Variants in MAPKAP1 observed in about 807,000 individuals in gnomAD.
MAPKAP1 encodes the protein MAPK associated protein 1.
In MAPKAP1, 20 loss-of-function variants were observed where a neutral mutation model predicts 65.7. The observed-to-expected ratio is 0.30, with a 90% CI of 0.21 to 0.44. The LOEUF (loss-of-function observed/expected upper bound fraction) is 0.44. MAPKAP1 is among the 20% of genes least tolerant of loss of function. The pLI is 1.00. For missense variants in MAPKAP1, 423 were observed against 648.0 expected (o/e 0.65, Z 3.77); for synonymous variants, 222 against 244.3 (o/e 0.91, Z 0.85).
At chr9:125,563,252 A>G (rs1434642753) in intron 5 of MAPKAP1, among the ~76,000 whole-genome samples, 1 of 151,958 alleles carries the variant, frequency 6.6e-6, no homozygotes, top group Non-Finnish European at 1.5e-5. Flanking sequence ...GCCTCAGGAA[A>G]CCCCCCGATA....
chr9:125,571,001 GTCT>G (rs1831212993), intron 5 of MAPKAP1, among the ~76,000 whole-genome samples: 2 of 151,920 alleles, frequency 1.3e-5, no homozygotes, highest in African/African-American at 4.8e-5. Flanking sequence ...CAGTAAATAT[GTCT>G]AAAAGATTTT....
chr9:125,489,410 T>C (rs561689825), intron 8 of MAPKAP1, among the ~76,000 whole-genome samples: 6 of 152,288 alleles, frequency 3.9e-5, no homozygotes, highest in African/African-American at 1.4e-4. Flanking sequence ...AATGTCTCTA[T>C]AAGCCACGGA....
chr9:125,586,762 G>T (rs767749262), intron 4 of MAPKAP1, among the ~76,000 whole-genome samples: 13 of 152,188 alleles, frequency 8.5e-5, no homozygotes, highest in Non-Finnish European at 1.0e-4. Flanking sequence ...CATGCAATAT[G>T]TTCACCACAC....
At chr9:125,666,531 G>T (rs1447875261) in intron 3 of MAPKAP1, among the ~76,000 whole-genome samples, 1 of 152,170 alleles carries the variant, frequency 6.6e-6, no homozygotes, top group Non-Finnish European at 1.5e-5. Context: ...AGTTGGGTAT[G>T]GTGTCATGTG....
intron 4 of MAPKAP1, among the ~76,000 whole-genome samples, chr9:125,603,243 G>C (rs1832355111): frequency 6.6e-6 from 1 of 152,092 alleles, no homozygotes; most frequent in Non-Finnish European, 1.5e-5. Context: ...CAGTGGTCAA[G>C]CACCAACTTC....
intron 4 of MAPKAP1, among the ~76,000 whole-genome samples, chr9:125,605,729 G>A (rs1008818420): frequency 2.8e-4 from 42 of 152,240 alleles, no homozygotes; most frequent in African/African-American, 9.4e-4. Flanking sequence ...CAGAAAAGAT[G>A]TTCTCCTTAA....
chr9:125,570,636 C>G (rs1831200186), intron 5 of MAPKAP1, among the ~76,000 whole-genome samples: 1 of 152,034 alleles, frequency 6.6e-6, no homozygotes, highest in Admixed American at 6.5e-5. Context: ...AATAATTTTA[C>G]ATGCAATGTG....
intron 10 of MAPKAP1, among the ~76,000 whole-genome samples, chr9:125,466,137 T>C (rs186809856): frequency 6.6e-6 from 1 of 152,284 alleles, no homozygotes; most frequent in Admixed American, 6.5e-5. Flanking sequence ...CCTAGTACTT[T>C]GGGGGACTGA....
At chr9:125,520,444 T>C (rs1451378632) in intron 7 of MAPKAP1, among the ~76,000 whole-genome samples, 2 of 152,292 alleles carry the variant, frequency 1.3e-5, no homozygotes, top group Admixed American at 6.5e-5. Context: ...CTCCAAACCA[T>C]GCCATTTCAA....
At position 125,447,558 on chromosome 9, in the gene MAPKAP1, G is replaced by A. The variant is rs966283219; in HGVS notation, c.1346-2960C>T. 9.0e-6 allele frequency: 4 copies of A among 445,034 alleles called. No homozygotes were observed. The highest frequency in any genetic ancestry group is 2.4e-5 in the Admixed American group (1 of 41,934). The allele number at this position is 445,034 out of a possible 1,614,324, so 27.6% of individuals were successfully genotyped here. A position where few individuals can be genotyped will look rare whatever the true frequency, so the allele number is the denominator to read the frequency against. ...AGGACATGGGGCGGACTCACTCCGC[G>A]GGCGTTTCTGCCCCGAGTTCCCCTC... On this transcript the variant is annotated intron_variant, in intron 10 of 11. Transcript: ENST00000265960. This position sits in a 1 kb window ranked among gnomAD's most constrained non-coding sequence, Gnocchi z 4.5.
At chr9:125,515,679 C>T (rs1403311308) in intron 7 of MAPKAP1, among the ~76,000 whole-genome samples, 2 of 152,234 alleles carry the variant, frequency 1.3e-5, no homozygotes. Context: ...AAGTTCGGCC[C>T]TGGCCACTTC....
chr9:125,554,116 A>G (rs538432243), intron 6 of MAPKAP1, among the ~76,000 whole-genome samples: 6 of 152,344 alleles, frequency 3.9e-5, no homozygotes, highest in South Asian at 2.1e-4. Context: ...GTTATTTAAC[A>G]TAACTAACAA....
At chr9:125,583,781 A>G (rs1831694212) in intron 5 of MAPKAP1, among the ~76,000 whole-genome samples, 1 of 152,218 alleles carries the variant, frequency 6.6e-6, no homozygotes, top group Non-Finnish European at 1.5e-5. Context: ...ATTACATCAA[A>G]GGCTGGGTGC....
At chr9:125,621,042 TG>T (rs1444546342) in intron 4 of MAPKAP1, among the ~76,000 whole-genome samples, 1 of 152,000 alleles carries the variant, frequency 6.6e-6, no homozygotes, top group Non-Finnish European at 1.5e-5. Context: ...GAGGCTGAGG[TG>T]GGCAGACTGG....
At chr9:125,582,270 A>C (rs893355865) in intron 5 of MAPKAP1, among the ~76,000 whole-genome samples, 6 of 152,042 alleles carry the variant, frequency 3.9e-5, no homozygotes, top group African/African-American at 1.4e-4. Context: ...CATGAATGTT[A>C]TTCCTTCCTT....
chr9:125,665,646 CA>C (rs200498543), intron 3 of MAPKAP1, among the ~76,000 whole-genome samples: 1 of 147,202 alleles, frequency 6.8e-6, no homozygotes, highest in Non-Finnish European at 1.5e-5. Flanking sequence ...AAACAAAAAA[CA>C]AAAAAAAAAC....
At chr9:125,571,016 T>C (rs536626954) in intron 5 of MAPKAP1, among the ~76,000 whole-genome samples, 1 of 152,306 alleles carries the variant, frequency 6.6e-6, no homozygotes, top group African/African-American at 2.4e-5. Flanking sequence ...AAAGATTTTA[T>C]TAAAAATTGC....
At chr9:125,583,829 C>T (rs1831695953) in intron 5 of MAPKAP1, among the ~76,000 whole-genome samples, 3 of 152,212 alleles carry the variant, frequency 2.0e-5, no homozygotes, top group East Asian at 1.9e-4. Flanking sequence ...TTTGAGAGGC[C>T]GAGGCGGGTG....
intron 5 of MAPKAP1, among the ~76,000 whole-genome samples, chr9:125,581,742 TTA>T (rs1264466371): frequency 1.3e-5 from 2 of 152,222 alleles, no homozygotes; most frequent in Non-Finnish European, 2.9e-5. Context: ...TTCTTACATT[TTA>T]CATTTAACTT....
Sources: allele counts gnomAD v4.1 joint callset (sites outside exome capture counted in the v4.1 genomes callset), GRCh38; gene constraint gnomAD v4.1.1; non-coding constraint Gnocchi (gnomAD v3.1); transcripts MANE v1.5; gene names NCBI Gene and HGNC (gene_info 2026-07-23, HGNC 2026-07-21).